Variants in ESR1 observed in about 807,000 individuals in gnomAD.
ESR1 encodes estrogen receptor.
A neutral mutation model predicts 52.7 loss-of-function variants in ESR1; 12 were observed. That is an observed-to-expected ratio of 0.23 (90% CI 0.15 to 0.37). ESR1 has a LOEUF of 0.37. ESR1 is among the 10% of genes least tolerant of loss of function. The probability of loss-of-function intolerance (pLI) is 1.00; values close to 1 mark genes in which losing one functional copy is unlikely to be tolerated. For synonymous variants in ESR1, 305 were observed against 316.8 expected (o/e 0.96, Z 0.39); for missense variants, 584 against 779.7 (o/e 0.75, Z 2.99).
intron 2 of ESR1, among the ~76,000 whole-genome samples, chr6:151,718,867 CA>C (rs1781247168): frequency 6.6e-6 from 1 of 152,102 alleles, no homozygotes; most frequent in Non-Finnish European, 1.5e-5. Flanking sequence ...CTTCTCTTAC[CA>C]TGACACTCCC....
Position 152,094,871 on chromosome 6 carries a change from A to G in ESR1, c.1553+303A>G, listed in dbSNP as rs542621513. 1.3e-5 allele frequency among the ~76,000 whole-genome samples: 2 copies of G among 152,284 alleles called. No homozygotes were observed. Among genetic ancestry groups the G allele is most frequent in the Non-Finnish European group, 2.9e-5 (2 of 68,016 alleles). On this transcript the variant is annotated intron_variant, in intron 7 of 7. Transcript: ENST00000206249. The surrounding 1 kb of genome is among the most constrained non-coding windows in gnomAD (Gnocchi z 4.6). The stretch of plus-strand genomic sequence containing the variant: ...AGTGTGCAAATAGGAGGAGGGGGCC[A>G]ATCAAGAGAAGTCAGTGAATGTACA...
At chr6:152,076,585 G>A (rs2048752442) in intron 6 of ESR1, among the ~76,000 whole-genome samples, 1 of 152,212 alleles carries the variant, frequency 6.6e-6, no homozygotes, top group Non-Finnish European at 1.5e-5. Context: ...ATGTGGGAAA[G>A]TTTGAAACTT....
rs147842200 is a variant in ESR1, at chr6:152,093,672, C to T, written c.1370-713C>T. On this transcript the variant is annotated intron_variant, in intron 6 of 7. Coordinates refer to ENST00000206249, the MANE Select transcript of ESR1 (RefSeq NM_000125.4). Reference sequence around the variant, plus strand: ...CAGAAAATAGGCGAGAGAGGAAAAACTTATGTGGCCGTAAAAAACAGCGGT... The same window carrying T: ...CAGAAAATAGGCGAGAGAGGAAAAATTTATGTGGCCGTAAAAAACAGCGGT... Among the ~76,000 whole-genome samples, 5 of 152,230 alleles carry T rather than the reference C, an allele frequency of 3.3e-5. No homozygotes were observed. The East Asian group carries it at 9.7e-4, about 30-fold the overall frequency.
At chr6:152,090,807 G>C (rs1162967237) in intron 6 of ESR1, among the ~76,000 whole-genome samples, 1 of 152,166 alleles carries the variant, frequency 6.6e-6, no homozygotes, top group Non-Finnish European at 1.5e-5. Context: ...CTTGTACATG[G>C]GGGTGTCCTC....
intron 6 of ESR1, among the ~76,000 whole-genome samples, chr6:152,120,940 C>T (rs1475425411): frequency 6.6e-6 from 1 of 152,050 alleles, no homozygotes; most frequent in Non-Finnish European, 1.5e-5. Flanking sequence ...TGACACAGAC[C>T]TTGAGAGAAG....
chr6:151,807,773 G>T lies in ESR1; in HGVS notation c.-140G>T, dbSNP rs557205666. On this transcript the variant is annotated 5_prime_UTR_variant, in exon 1 of 8. Coordinates refer to ENST00000206249, the MANE Select transcript of ESR1 (RefSeq NM_000125.4). Reference sequence around the variant, plus strand: ...CCGCAGGCTCCCGGGGCAGGGCCGGGGCCAGAGCTCGCGTGTCGGCGGGAC... The same window carrying T: ...CCGCAGGCTCCCGGGGCAGGGCCGGTGCCAGAGCTCGCGTGTCGGCGGGAC... 4 of 847,628 alleles carry T rather than the reference G, an allele frequency of 4.7e-6. No individual in the cohort carries two copies. The East Asian group carries it at 7.9e-5, about 17-fold the overall frequency. The allele number at this position is 847,628 out of a possible 1,614,324, so 52.5% of individuals were successfully genotyped here.
At chr6:151,707,032 T>G (rs976180915) in intron 2 of ESR1, among the ~76,000 whole-genome samples, 4 of 152,100 alleles carry the variant, frequency 2.6e-5, no homozygotes, top group Admixed American at 2.0e-4. Context: ...TGTGTTTAGG[T>G]TAGTGAGCGT....
At chr6:151,707,830 G>C (rs1035941741) in intron 2 of ESR1, among the ~76,000 whole-genome samples, 1 of 151,772 alleles carries the variant, frequency 6.6e-6, no homozygotes, top group Non-Finnish European at 1.5e-5. Flanking sequence ...ATTTTATTTG[G>C]CTATGCCTCT....
chr6:152,050,748 G>T (rs993952079), intron 5 of ESR1, among the ~76,000 whole-genome samples: 1 of 152,222 alleles, frequency 6.6e-6, no homozygotes, highest in Non-Finnish European at 1.5e-5. Flanking sequence ...TCAGATCATT[G>T]CATTTGTTCA....
At chr6:151,951,255 T>C (rs1479684904) in intron 4 of ESR1, among the ~76,000 whole-genome samples, 1 of 152,128 alleles carries the variant, frequency 6.6e-6, no homozygotes, top group African/African-American at 2.4e-5. Context: ...GTCGTTTTCC[T>C]ACAGATGGCT....
chr6:151,749,589 A>G (rs1783747687), intron 2 of ESR1, among the ~76,000 whole-genome samples: 2 of 152,242 alleles, frequency 1.3e-5, no homozygotes, highest in Non-Finnish European at 2.9e-5. Flanking sequence ...CTTAAGCAAG[A>G]AACATGGAAA....
intron 2 of ESR1, among the ~76,000 whole-genome samples, chr6:151,860,486 A>G (rs1788672558): frequency 6.6e-6 from 1 of 152,148 alleles, no homozygotes. Flanking sequence ...ATATAGAGGG[A>G]GTGATATATG....
chr6:151,826,690 A>G (rs1335601199), intron 1 of ESR1, among the ~76,000 whole-genome samples: 1 of 151,864 alleles, frequency 6.6e-6, no homozygotes, highest in African/African-American at 2.4e-5. Flanking sequence ...ATGTTGTAAA[A>G]CCTCCAGCTA....
chr6:151,960,988 G>A (rs2037589518), intron 4 of ESR1, among the ~76,000 whole-genome samples: 1 of 152,184 alleles, frequency 6.6e-6, no homozygotes, highest in Non-Finnish European at 1.5e-5. Flanking sequence ...GATAAAAGTT[G>A]AGTCAACAAC....
In ESR1 at chr6:152,059,083, G is replaced by A. The variant is rs1412570566; in HGVS notation, c.1236-1908G>A. 3.9e-5 allele frequency among the ~76,000 whole-genome samples: 6 copies of A among 152,046 alleles called. 1 individual carries two copies. The highest frequency in any genetic ancestry group is 4.2e-4 in the South Asian group (2 of 4,814). ...ATTGGATCTTTTTCTCATACCTTAC[G>A]CCAAAATAAATCCCCAAAAATGGTT... On this transcript the variant is annotated intron_variant, in intron 5 of 7. Coordinates refer to ENST00000206249, the MANE Select transcript of ESR1 (RefSeq NM_000125.4).
intron 7 of ESR1, among the ~76,000 whole-genome samples, chr6:152,095,267 C>T (rs889433521): frequency 6.6e-6 from 1 of 152,192 alleles, no homozygotes; most frequent in Non-Finnish European, 1.5e-5. Flanking sequence ...TTTATTACTC[C>T]TTATGATTCA....
At chr6:152,014,626 A>G (rs2043029075) in intron 5 of ESR1, among the ~76,000 whole-genome samples, 1 of 151,940 alleles carries the variant, frequency 6.6e-6, no homozygotes, top group African/African-American at 2.4e-5. Flanking sequence ...TCACCAAATT[A>G]TCCAGTTAAC....
At chr6:152,000,988 T>C (rs1482293495) in intron 4 of ESR1, among the ~76,000 whole-genome samples, 1 of 152,042 alleles carries the variant, frequency 6.6e-6, no homozygotes, top group Non-Finnish European at 1.5e-5. Context: ...TATTAGGAAA[T>C]ACTGCTGTAG....
rs547433160 is a variant in ESR1 at position 151,727,571 on chromosome 6, T to A, written c.-71+25566T>A. Among the ~76,000 whole-genome samples, 10 of 152,264 alleles carry A rather than the reference T, an allele frequency of 6.6e-5. 1 individual carries two copies. Among genetic ancestry groups the A allele is most frequent in the Admixed American group, 5.9e-4 (9 of 15,288 alleles). On this transcript the variant is annotated intron_variant, in intron 2 of 2. Transcript: ENST00000404742. ...TCCAACTTGATTATAATATACTATC[T>A]TTTTTTAAGGGAAAAGTAGATGAAT...
Sources: allele counts gnomAD v4.1 joint callset (sites outside exome capture counted in the v4.1 genomes callset), GRCh38; gene constraint gnomAD v4.1.1; non-coding constraint Gnocchi (gnomAD v3.1); transcripts MANE v1.5; gene names NCBI Gene and HGNC (gene_info 2026-07-23, HGNC 2026-07-21).